The following IPO9 variants were observed in gnomAD, a reference collection of about 807,000 sequenced individuals.
The protein encoded by IPO9 is importin-9.
In IPO9, 28 loss-of-function variants were observed where a neutral mutation model predicts 128.6. That is an observed-to-expected ratio of 0.22 (90% CI 0.16 to 0.30). The LOEUF is 0.30. Ranked by LOEUF, IPO9 falls within the 10% of genes least tolerant of loss-of-function variation. IPO9 has a pLI of 1.00. For missense variants in IPO9, 935 were observed against 1,293.9 expected (o/e 0.72, Z 4.26); for synonymous variants, 455 against 475.8 (o/e 0.96, Z 0.57).
chr1:201,849,386 T>A (rs561908228), intron 4 of IPO9, among the ~76,000 whole-genome samples: 1 of 152,378 alleles, frequency 6.6e-6, no homozygotes, highest in Non-Finnish European at 1.5e-5. Context: ...CTAAATGAAG[T>A]CACTACTCTG....
rs1680624314 is a variant in IPO9 at position 201,870,355 on chromosome 1, TAC to T, written c.2134-224_2134-223del. Among the ~76,000 whole-genome samples the T allele has an allele frequency of 6.6e-6, 1 of 152,226 alleles. No individual in the cohort carries two copies. Among genetic ancestry groups the T allele is most frequent in the African/African-American group, 2.4e-5 (1 of 41,450 alleles). ...TCCCTTGTGATTAAAAAAATATATA[TAC>T]ACATTTGTGAGATAGCTGATTAGGT... On this transcript the variant is annotated intron_variant, in intron 17 of 23. Transcript: ENST00000361565. This position sits in a 1 kb window ranked among gnomAD's most constrained non-coding sequence, Gnocchi z 4.9.
intron 19 of IPO9, 95 bp from the exon 20 acceptor site, chr1:201,872,733 A>G (rs755621544): frequency 8.8e-5 from 122 of 1,384,424 alleles, no homozygotes; most frequent in Non-Finnish European, 1.1e-4. Flanking sequence ...AATTTTCACT[A>G]TCAAATAGAG....
chr1:201,865,126 G>C (rs1680525282), intron 14 of IPO9, among the ~76,000 whole-genome samples: 1 of 151,156 alleles, frequency 6.6e-6, no homozygotes, highest in Admixed American at 6.6e-5. Context: ...TTTCCCTTTG[G>C]TCATTTCCTA....
chr1:201,869,406 T>C (rs1306905537), intron 16 of IPO9, among the ~76,000 whole-genome samples, 184 bp from the exon 17 acceptor site: 1 of 152,250 alleles, frequency 6.6e-6, no homozygotes, highest in Non-Finnish European at 1.5e-5. Flanking sequence ...AATCAATTAG[T>C]AAGCTATTAT....
rs1360832755 is a variant in IPO9 at position 201,878,807 on chromosome 1, T to C, written c.*2753T>C. On this transcript the variant is annotated 3_prime_UTR_variant, in exon 24 of 24. Coordinates refer to ENST00000361565, the MANE Select transcript of IPO9 (RefSeq NM_018085.5). The stretch of plus-strand genomic sequence containing the variant: ...AGTGTCAGCAGGAAGAAAAAAGATC[T>C]GTTGGAGGCCAGTACATGTTGACAG... 2 of 152,210 alleles carry C rather than the reference T, an allele frequency of 1.3e-5. No individual in the cohort carries two copies. The highest frequency in any genetic ancestry group is 2.9e-5 in the Non-Finnish European group (2 of 68,046). 9.4% of individuals were successfully genotyped at this position (152,210 alleles called of 1,614,324 possible).
intron 21 of IPO9, 142 bp from the exon 22 acceptor site, chr1:201,874,690 G>A: frequency 1.4e-6 from 1 of 696,608 alleles, no homozygotes; most frequent in Non-Finnish European, 2.6e-6. Context: ...GGAGGGTTTG[G>A]CCATTTCTGA....
Position 201,847,626 on chromosome 1 carries a change from A to G in IPO9, c.300A>G (p.Glu100=), listed in dbSNP as rs1172973178. 1 of 1,612,244 alleles carries G rather than the reference A, an allele frequency of 6.2e-7. No homozygotes were observed. Among genetic ancestry groups the G allele is most frequent in the Non-Finnish European group, 8.5e-7 (1 of 1,178,420 alleles). ...CAQSEKFRPP[E]TTERAKIVIR... is the part of the protein sequence containing the mutation. ...AATCAGAGAAATTTAGGCCTCCTGAAACTACAGAAAGGGTAAGTCAGTTAC... is the reference window on the plus strand; with the variant it reads ...AATCAGAGAAATTTAGGCCTCCTGAGACTACAGAAAGGGTAAGTCAGTTAC... The change falls in exon 3 of 24, where the codon GAA becomes GAG. Residue 100 remains glutamate (E), a synonymous_variant. Coordinates refer to ENST00000361565, the MANE Select transcript of IPO9 (RefSeq NM_018085.5).
rs772223780 is a variant in IPO9 at position 201,854,864 on chromosome 1, G to A, written c.852G>A (p.Val284=). 6.2e-7 allele frequency: 1 copy of A among 1,611,852 alleles called. No homozygotes were observed. The highest frequency in any genetic ancestry group is 1.1e-5 in the South Asian group (1 of 90,612). The change falls in exon 8 of 24, where the codon GTG becomes GTA. Residue 284 remains valine (V), a synonymous_variant. Transcript: ENST00000361565. ...ALVKNFPKHM[V]SSMQQILPIV... is the part of the protein sequence containing the mutation. The stretch of plus-strand genomic sequence containing the variant: ...TGAAAAACTTCCCAAAGCACATGGT[G>A]TCCTCCATGCAGCAGATTCTGCCTA...
intron 1 of IPO9, among the ~76,000 whole-genome samples, chr1:201,839,885 G>A (rs981797746): frequency 3.9e-5 from 6 of 152,112 alleles, no homozygotes; most frequent in African/African-American, 1.4e-4. Context: ...CTGGCAAACT[G>A]GGAGGAATTT....
At chr1:201,872,209 G>A (rs546324355) in intron 19 of IPO9, among the ~76,000 whole-genome samples, 1 of 152,146 alleles carries the variant, frequency 6.6e-6, no homozygotes, top group East Asian at 1.9e-4. Flanking sequence ...GAGCGAAATT[G>A]TCTCAGAAAA....
chr1:201,856,073 G>C lies in IPO9; in HGVS notation c.1122+139G>C, dbSNP rs897130437. On this transcript the variant is annotated intron_variant, in intron 10 of 23. Coordinates refer to ENST00000361565, the MANE Select transcript of IPO9 (RefSeq NM_018085.5). ...AATTTCATGTGAAGTTCTGGGAAAG[G>C]TTTGACATCATTTTATTGCCAAATC... The C allele has an allele frequency of 4.7e-6, 3 of 641,902 alleles. No individual in the cohort carries two copies. The African/African-American group carries it at 5.9e-5, about 13-fold the overall frequency. The allele number at this position is 641,902 out of a possible 1,614,324, so 39.8% of individuals were successfully genotyped here.
rs927021573 is a variant in IPO9 at position 201,847,557 on chromosome 1, A to G, written c.231A>G (p.Ala77=). 2 of 1,613,972 alleles carry G rather than the reference A, an allele frequency of 1.2e-6. No homozygotes were observed. Among genetic ancestry groups the G allele is most frequent in the Non-Finnish European group, 8.5e-7 (1 of 1,179,882 alleles). Residue 77 remains alanine (A), a synonymous_variant, in exon 3 of 24, where the codon GCA becomes GCG. Coordinates refer to ENST00000361565, the MANE Select transcript of IPO9 (RefSeq NM_018085.5). ...TTGGCTTATTCTCTTCACAGCTGGC[A>G]TCAGTCATCTTGAAACAATATGTGG... ...PQGALAIRQL[A]SVILKQYVET...
chr1:201,832,024 C>T (rs1679845064), intron 1 of IPO9, among the ~76,000 whole-genome samples: 1 of 151,816 alleles, frequency 6.6e-6, no homozygotes, highest in Non-Finnish European at 1.5e-5. Context: ...GCCTCAGCCT[C>T]CCGAGTAGCT....
chr1:201,882,908 A>G lies in IPO9; in HGVS notation c.*6854A>G, dbSNP rs1680915411. On this transcript the variant is annotated 3_prime_UTR_variant, in exon 24 of 24. Transcript: ENST00000361565. ...ATCCTATCCCCCACCCATAGCTGGGAGCTATGTTTGGCTCATTCTTCCTGA... is the reference window on the plus strand; with the variant it reads ...ATCCTATCCCCCACCCATAGCTGGGGGCTATGTTTGGCTCATTCTTCCTGA... The G allele has an allele frequency of 6.6e-6, 1 of 152,582 alleles. No individual in the cohort carries two copies. Among genetic ancestry groups the G allele is most frequent in the African/African-American group, 2.4e-5 (1 of 41,428 alleles). 9.5% of individuals were successfully genotyped at this position (152,582 alleles called of 1,614,324 possible).
intron 1 of IPO9, among the ~76,000 whole-genome samples, chr1:201,834,248 T>A (rs376151420): frequency 6.6e-6 from 1 of 151,568 alleles, no homozygotes; most frequent in African/African-American, 2.4e-5. Flanking sequence ...TAAAGCATGC[T>A]TTCTAATTCT....
Position 201,847,340 on chromosome 1 carries a change from G to T in IPO9, c.225G>T (p.Gln75His), listed in dbSNP as rs750190862. The stretch of plus-strand genomic sequence containing the variant: ...CCCAGGGGGCACTGGCAATCCGTCA[G>T]GTAAGTCCAGACTGGCCCAATTTAT... ...VDPQGALAIR[Q>H]LASVILKQYV... The change falls in exon 2 of 24, where the codon CAG becomes CAT. Residue 75 changes from glutamine to histidine, a missense_variant and splice_region_variant. By Grantham distance (24) the Gln-to-His change is conservative. This residue lies in a region of IPO9 where 741 missense variants were observed against 1,019.1 expected (regional missense o/e 0.73). Transcript: ENST00000361565. The T allele has an allele frequency of 6.2e-7, 1 of 1,613,438 alleles. No individual in the cohort carries two copies. Among genetic ancestry groups the T allele is most frequent in the Admixed American group, 1.7e-5 (1 of 59,988 alleles).
At chr1:201,829,624 A>C in intron 1 of IPO9, 4 of 364,464 alleles carry the variant, frequency 1.1e-5, no homozygotes, top group Non-Finnish European at 2.0e-5. Flanking sequence ...GAAAAGATAG[A>C]TGGAGCCTAG....
In IPO9 at chr1:201,879,371, C is replaced by T. The variant is rs1400869377; in HGVS notation, c.*3317C>T. The T allele has an allele frequency of 6.6e-6, 1 of 152,198 alleles. No individual in the cohort carries two copies. The highest frequency in any genetic ancestry group is 1.5e-5 in the Non-Finnish European group (1 of 68,036). The allele number at this position is 152,198 out of a possible 1,614,324, so 9.4% of individuals were successfully genotyped here. On this transcript the variant is annotated 3_prime_UTR_variant, in exon 24 of 24. Coordinates refer to ENST00000361565, the MANE Select transcript of IPO9 (RefSeq NM_018085.5). ...AAGTTGGTAACTGACCACTAACTAA[C>T]AAACTATAAATTCACCCATTGTGGG...
At chr1:201,852,777 C>A (rs1680245303) in intron 5 of IPO9, among the ~76,000 whole-genome samples, 1 of 152,156 alleles carries the variant, frequency 6.6e-6, no homozygotes, top group African/African-American at 2.4e-5. Flanking sequence ...CACAGAGGCC[C>A]TTATATAAGG....
Sources: gnomAD v4.1 joint callset for allele counts (sites outside exome capture counted in the v4.1 genomes callset) on GRCh38, gnomAD v4.1.1 for gene constraint, gnomAD v4.1.1 regional missense constraint, Gnocchi (gnomAD v3.1) non-coding constraint, MANE v1.5 for transcripts, NCBI Gene and HGNC (gene_info 2026-07-23, HGNC 2026-07-21) for gene names.